Variants in FAM98B observed in about 807,000 individuals in gnomAD.
FAM98B encodes tRNA-splicing ligase complex subunit FAM98B.
FAM98B carries 32 observed loss-of-function variants against 43.9 expected under a neutral mutation model. The observed-to-expected ratio is 0.73, with a 90% CI of 0.55 to 0.98. FAM98B has a LOEUF of 0.98. FAM98B is among the 50% of genes least tolerant of loss of function. The probability of loss-of-function intolerance (pLI) is 0.00; values close to 1 mark genes in which losing one functional copy is unlikely to be tolerated. For missense variants in FAM98B, 514 were observed against 522.9 expected (o/e 0.98, Z 0.17); for synonymous variants, 190 against 174.0 (o/e 1.09, Z -0.72).
rs1246072727 is a variant in FAM98B, at chr15:38,477,152, T to C, written c.729+2854T>C. Reference sequence around the variant, plus strand: ...GTCTCTTAAAACAAAAAGAAAAGAGTAAAGCACTATAAAGCCTATTGGGAA... The same window carrying C: ...GTCTCTTAAAACAAAAAGAAAAGAGCAAAGCACTATAAAGCCTATTGGGAA... On this transcript the variant is annotated intron_variant, in intron 6 of 7. Coordinates refer to ENST00000397609, the MANE Select transcript of FAM98B (RefSeq NM_173611.4). 3.3e-5 allele frequency among the ~76,000 whole-genome samples: 5 copies of C among 150,954 alleles called. No homozygotes were observed. The East Asian group carries it at 9.6e-4, about 29-fold the overall frequency.
intron 1 of FAM98B, among the ~76,000 whole-genome samples, chr15:38,462,947 C>T (rs1196250882): frequency 2.0e-5 from 3 of 152,006 alleles, no homozygotes; most frequent in South Asian, 4.2e-4. Context: ...ACAAAGGGCT[C>T]GACTGGCCTA....
intron 3 of FAM98B, among the ~76,000 whole-genome samples, chr15:38,469,790 C>T (rs1454575230): frequency 6.6e-6 from 1 of 151,038 alleles, no homozygotes; most frequent in African/African-American, 2.4e-5. Flanking sequence ...TTTTTGTACC[C>T]ATTCATCTGT....
intron 3 of FAM98B, among the ~76,000 whole-genome samples, chr15:38,467,143 G>T (rs138890931): frequency 6.6e-6 from 1 of 152,116 alleles, no homozygotes; most frequent in African/African-American, 2.4e-5. Context: ...ATAGTCTCCG[G>T]TCTAGATGTA....
chr15:38,475,012 G>A (rs1890176706), intron 6 of FAM98B, among the ~76,000 whole-genome samples: 1 of 151,578 alleles, frequency 6.6e-6, no homozygotes. Context: ...AGGTGGGAGA[G>A]TTAATCTGGT....
rs1266881745 is a variant in FAM98B at position 38,484,814 on chromosome 15, T to G, written c.*155T>G. 1 of 1,160,370 alleles carries G rather than the reference T, an allele frequency of 8.6e-7. No individual in the cohort carries two copies. Among genetic ancestry groups the G allele is most frequent in the East Asian group, 3.2e-5 (1 of 31,728 alleles). The allele number at this position is 1,160,370 out of a possible 1,614,324, so 71.9% of individuals were successfully genotyped here. On this transcript the variant is annotated 3_prime_UTR_variant, in exon 8 of 8. Coordinates refer to ENST00000397609, the MANE Select transcript of FAM98B (RefSeq NM_173611.4). ...AATTGGTTAATATGTAAGAACATTG[T>G]TTTTTATTACCAGTTGATCTCTCAA...
intron 1 of FAM98B, among the ~76,000 whole-genome samples, chr15:38,461,740 G>A (rs530040414): frequency 9.2e-5 from 14 of 152,132 alleles, no homozygotes; most frequent in Non-Finnish European, 1.6e-4. Flanking sequence ...GATACCCTAC[G>A]TCTTGCTTGT....
intron 3 of FAM98B, among the ~76,000 whole-genome samples, chr15:38,466,410 G>A (rs1406584472): frequency 2.0e-5 from 3 of 152,064 alleles, no homozygotes; most frequent in Non-Finnish European, 4.4e-5. Context: ...GGACAGAAAG[G>A]AACCTAGGAA....
Position 38,464,117 on chromosome 15 carries a change from A to G in FAM98B, c.157A>G (p.Ile53Val). 6.2e-7 allele frequency: 1 copy of G among 1,613,636 alleles called. No individual in the cohort carries two copies. The highest frequency in any genetic ancestry group is 8.5e-7 in the Non-Finnish European group (1 of 1,179,808). The change falls in exon 2 of 8, where the codon ATT becomes GTT. Residue 53 changes from isoleucine (I) to valine (V), a missense_variant. This residue lies in a region of FAM98B where 469 missense variants were observed against 451.8 expected (regional missense o/e 1.04). Transcript: ENST00000397609. ...LSSPEFSELC[I>V]WLGSQIKSLC... Reference sequence around the variant, plus strand: ...TTCACCTGAATTTTCAGAGCTCTGTATTTGGTTAGGCTCTCAAATAAAATC... The same window carrying G: ...TTCACCTGAATTTTCAGAGCTCTGTGTTTGGTTAGGCTCTCAAATAAAATC...
At chr15:38,454,737 G>C (rs1889821427) in intron 1 of FAM98B, among the ~76,000 whole-genome samples, 1 of 152,122 alleles carries the variant, frequency 6.6e-6, no homozygotes, top group Non-Finnish European at 1.5e-5. Context: ...CAACCATTTC[G>C]TCCGTTCGTC....
chr15:38,469,319 G>A (rs191646367), intron 3 of FAM98B, among the ~76,000 whole-genome samples: 1 of 152,164 alleles, frequency 6.6e-6, no homozygotes, highest in Non-Finnish European at 1.5e-5. Flanking sequence ...TAGATGAAAC[G>A]GTGAAAGTAA....
intron 6 of FAM98B, among the ~76,000 whole-genome samples, chr15:38,478,076 C>T (rs1890231180): frequency 2.6e-5 from 4 of 152,238 alleles, no homozygotes; most frequent in Admixed American, 6.5e-5. Flanking sequence ...ATTGTCTTAA[C>T]GTACTTTGAT....
chr15:38,455,127 C>T (rs1463829514), intron 1 of FAM98B, among the ~76,000 whole-genome samples: 1 of 152,176 alleles, frequency 6.6e-6, no homozygotes, highest in Non-Finnish European at 1.5e-5. Context: ...TGATGCTTTG[C>T]ATATTTTATT....
chr15:38,454,780 C>T (rs1050075275), intron 1 of FAM98B, among the ~76,000 whole-genome samples: 5 of 152,306 alleles, frequency 3.3e-5, no homozygotes, highest in South Asian at 2.1e-4. Context: ...TTAATTTACA[C>T]ATATTTACGT....
At chr15:38,470,706 TAAGA>T (rs1462591347) in intron 4 of FAM98B, 13 of 188,726 alleles carry the variant, frequency 6.9e-5, no homozygotes, top group East Asian at 2.6e-4. Context: ...TAATGTAGTA[TAAGA>T]AAGAAAGAAA....
At chr15:38,459,525 T>A in intron 1 of FAM98B, 2 of 315,418 alleles carry the variant, frequency 6.3e-6, no homozygotes, top group South Asian at 5.3e-5. Flanking sequence ...TGGGTGATGA[T>A]GGAACTGTGC....
At chr15:38,461,829 A>G (rs2141052826) in intron 1 of FAM98B, among the ~76,000 whole-genome samples, 1 of 152,272 alleles carries the variant, frequency 6.6e-6, no homozygotes, top group East Asian at 1.9e-4. Flanking sequence ...ATGAATTATG[A>G]GGGAATGGGT....
chr15:38,460,584 A>G lies in FAM98B; in HGVS notation c.72-3448A>G, dbSNP rs75414687. ...AGACCCTCAGGAGATTCATATGCAC[A>G]TAAAAGTTTAAGAAGTACTGTTCTA... is the stretch of plus-strand genomic sequence containing the variant. On this transcript the variant is annotated intron_variant, in intron 1 of 7. Coordinates refer to ENST00000397609, the MANE Select transcript of FAM98B (RefSeq NM_173611.4). 9.0e-3 allele frequency among the ~76,000 whole-genome samples: 1,378 copies of G among 152,338 alleles called. 27 individuals are homozygous for G. The highest frequency in any genetic ancestry group is 0.031 in the African/African-American group (1,306 of 41,568).
intron 3 of FAM98B, among the ~76,000 whole-genome samples, chr15:38,466,176 T>G (rs1890027897): frequency 7.1e-6 from 1 of 141,324 alleles, no homozygotes; most frequent in Admixed American, 7.0e-5. Flanking sequence ...TCATTAGAGA[T>G]GAAATTTGTG....
rs1890366732 is a variant in FAM98B at position 38,486,096 on chromosome 15, G to C, written c.*1437G>C. On this transcript the variant is annotated 3_prime_UTR_variant, in exon 8 of 8. Transcript: ENST00000397609. Reference sequence around the variant, plus strand: ...ACTCTGTGGTAAAATCTAAAATAATGTTAAAACCCTAAAAGTAACTATTGA... The same window carrying C: ...ACTCTGTGGTAAAATCTAAAATAATCTTAAAACCCTAAAAGTAACTATTGA... 6.6e-6 allele frequency: 1 copy of C among 151,988 alleles called. No homozygotes were observed. Among genetic ancestry groups the C allele is most frequent in the South Asian group, 2.1e-4 (1 of 4,826 alleles). The allele number at this position is 151,988 out of a possible 1,614,324, so 9.4% of individuals were successfully genotyped here.
Sources: gnomAD v4.1 joint callset for allele counts (sites outside exome capture counted in the v4.1 genomes callset) on GRCh38, gnomAD v4.1.1 for gene constraint, gnomAD v4.1.1 regional missense constraint, MANE v1.5 for transcripts, NCBI Gene and HGNC (gene_info 2026-07-23, HGNC 2026-07-21) for gene names.